TOX: variants seen among roughly 807,000 people sequenced by gnomAD.
TOX encodes the protein thymocyte selection-associated high mobility group box protein TOX.
A neutral mutation model predicts 53.7 loss-of-function variants in TOX; 11 were observed. The ratio of observed to expected loss-of-function variants is 0.20; its 90% CI spans 0.13 to 0.34. The LOEUF is 0.34. Among genes scored for constraint, TOX ranks in the 10% least tolerant of loss-of-function variants. The pLI, the probability that TOX is intolerant of heterozygous loss-of-function variation, is 1.00. For missense variants in TOX, 570 were observed against 664.6 expected (o/e 0.86, Z 1.56); for synonymous variants, 225 against 245.3 (o/e 0.92, Z 0.77).
intron 1 of TOX, among the ~76,000 whole-genome samples, chr8:58,962,166 T>C (rs1430640342): frequency 6.6e-6 from 1 of 152,202 alleles, no homozygotes; most frequent in Non-Finnish European, 1.5e-5. Flanking sequence ...TTGGGTTGAG[T>C]CTATCCAACA....
chr8:58,893,560 C>T (rs1811593820), intron 3 of TOX, among the ~76,000 whole-genome samples: 1 of 152,168 alleles, frequency 6.6e-6, no homozygotes, highest in Admixed American at 6.5e-5. Flanking sequence ...GTTATAAGTT[C>T]AGTGCAATTA....
At chr8:59,067,842 G>A (rs1057227200) in intron 1 of TOX, among the ~76,000 whole-genome samples, 3 of 152,030 alleles carry the variant, frequency 2.0e-5, no homozygotes, top group Non-Finnish European at 2.9e-5. Flanking sequence ...TTTCATACCC[G>A]TTTCTCTGAT....
intron 4 of TOX, among the ~76,000 whole-genome samples, chr8:58,842,731 G>A (rs1190440109): frequency 1.3e-5 from 2 of 152,192 alleles, no homozygotes; most frequent in African/African-American, 4.8e-5. Context: ...AGAAACAGGA[G>A]AACTTGTTAC....
At chr8:59,093,079 G>A (rs1247415491) in intron 1 of TOX, among the ~76,000 whole-genome samples, 1 of 152,182 alleles carries the variant, frequency 6.6e-6, no homozygotes, top group East Asian at 1.9e-4. Flanking sequence ...GCAAGAAAAC[G>A]TCACAAGATG....
At chr8:59,097,779 T>C (rs950851881) in intron 1 of TOX, among the ~76,000 whole-genome samples, 6 of 152,252 alleles carry the variant, frequency 3.9e-5, no homozygotes, top group African/African-American at 1.4e-4. Context: ...GTAAACATTA[T>C]GTTTTATGAA....
At chr8:59,021,462 G>GAAAAA (rs1814128789) in intron 1 of TOX, among the ~76,000 whole-genome samples, 1 of 18,086 alleles carries the variant, frequency 5.5e-5, no homozygotes, top group African/African-American at 1.8e-4. Context: ...TTTTCTACAA[G>GAAAAA]CAAAAAAAAA....
intron 8 of TOX, 99 bp downstream of exon 8, chr8:58,808,019 C>A: frequency 6.7e-7 from 1 of 1,485,020 alleles, no homozygotes. Flanking sequence ...GTGAAACTAT[C>A]CCGGATCATG....
chr8:58,869,549 C>G, intron 3 of TOX, among the ~76,000 whole-genome samples: 1 of 152,058 alleles, frequency 6.6e-6, no homozygotes, highest in Non-Finnish European at 1.5e-5. Flanking sequence ...AACAGTATTA[C>G]TCTAATATTA....
intron 5 of TOX, among the ~76,000 whole-genome samples, chr8:58,835,865 A>G (rs1281967288): frequency 1.3e-5 from 2 of 152,198 alleles, no homozygotes; most frequent in Non-Finnish European, 2.9e-5. Context: ...TTGGCAAAGT[A>G]GACACTAAAG....
At chr8:58,847,634 A>G (rs950187820) in intron 4 of TOX, among the ~76,000 whole-genome samples, 2 of 152,010 alleles carry the variant, frequency 1.3e-5, no homozygotes, top group African/African-American at 4.8e-5. Flanking sequence ...AGGAATGAAA[A>G]TTTCCCCAAA....
At chr8:59,052,447 T>G (rs1308295425) in intron 1 of TOX, among the ~76,000 whole-genome samples, 1 of 152,206 alleles carries the variant, frequency 6.6e-6, no homozygotes, top group Non-Finnish European at 1.5e-5. Flanking sequence ...AAAGGATAAA[T>G]AAGCATTTAC....
At chr8:58,907,951 G>T (rs1244666898) in intron 3 of TOX, among the ~76,000 whole-genome samples, 1 of 152,170 alleles carries the variant, frequency 6.6e-6, no homozygotes, top group African/African-American at 2.4e-5. Flanking sequence ...TTTATCTTAA[G>T]TTTCGGTGTA....
At chr8:58,825,381 A>G (rs1202040116) in intron 6 of TOX, among the ~76,000 whole-genome samples, 1 of 152,230 alleles carries the variant, frequency 6.6e-6, no homozygotes, top group Non-Finnish European at 1.5e-5. Flanking sequence ...AATTCGCAGC[A>G]TTTATACAAA....
At chr8:58,829,174 G>C (rs1275028489) in intron 5 of TOX, among the ~76,000 whole-genome samples, 1 of 152,142 alleles carries the variant, frequency 6.6e-6, no homozygotes, top group Non-Finnish European at 1.5e-5. Context: ...TGACTACGAT[G>C]CTATCCCTTT....
intron 1 of TOX, among the ~76,000 whole-genome samples, chr8:59,069,974 G>T (rs183164056): frequency 6.6e-6 from 1 of 152,180 alleles, no homozygotes; most frequent in Admixed American, 6.5e-5. Flanking sequence ...TATAGCGCCC[G>T]GTGGGAAAGC....
intron 4 of TOX, among the ~76,000 whole-genome samples, chr8:58,846,090 C>T (rs1563368504): frequency 6.6e-6 from 1 of 151,960 alleles, no homozygotes; most frequent in Non-Finnish European, 1.5e-5. Context: ...TAGGGTATGT[C>T]TATATCCTGG....
chr8:59,079,133 G>T (rs1219195832), intron 1 of TOX, among the ~76,000 whole-genome samples: 1 of 152,182 alleles, frequency 6.6e-6, no homozygotes, highest in East Asian at 1.9e-4. Flanking sequence ...GCAAAGGAAT[G>T]ACTTAAAGTT....
intron 6 of TOX, among the ~76,000 whole-genome samples, chr8:58,821,159 T>A (rs1810268603): frequency 6.6e-6 from 1 of 152,156 alleles, no homozygotes; most frequent in African/African-American, 2.4e-5. Flanking sequence ...CATATCTTTA[T>A]AAAGAAATGC....
rs1253235941 is a variant in TOX, at chr8:59,118,660, TC to T, written c.102+225del. The stretch of plus-strand genomic sequence containing the variant: ...GCCGCGAACAGCAGGAAGGAAAGAA[TC>T]CGAGCAAATCGTGTCACTTTCCGCA... On this transcript the variant is annotated intron_variant, in intron 1 of 8. Transcript: ENST00000361421. This position sits in a 1 kb window ranked among gnomAD's most constrained non-coding sequence, Gnocchi z 4.1. 6.6e-6 allele frequency among the ~76,000 whole-genome samples: 1 copy of T among 152,136 alleles called. No individual in the cohort carries two copies. Among genetic ancestry groups the T allele is most frequent in the East Asian group, 1.9e-4 (1 of 5,180 alleles).
Sources: gnomAD v4.1 joint callset for allele counts (sites outside exome capture counted in the v4.1 genomes callset) on GRCh38, gnomAD v4.1.1 for gene constraint, Gnocchi (gnomAD v3.1) non-coding constraint, MANE v1.5 for transcripts, NCBI Gene and HGNC (gene_info 2026-07-23, HGNC 2026-07-21) for gene names.